Variants in PACRG observed in about 807,000 individuals in gnomAD.
PACRG encodes parkin coregulated, also known as parkin coregulated gene protein.
PACRG carries 29 observed loss-of-function variants against 29.7 expected under a neutral mutation model. The observed-to-expected ratio is 0.98, with a 90% CI of 0.73 to 1.33. The LOEUF (loss-of-function observed/expected upper bound fraction) is 1.33, where lower values mean the gene tolerates loss of function less well. Among genes scored for constraint, PACRG ranks in the 40% most tolerant of loss-of-function variants. PACRG has a pLI of 0.00. For synonymous variants in PACRG, 116 were observed against 118.7 expected, an observed-to-expected ratio of 0.98 and a Z score of 0.15; for missense variants, 279 against 316.2, an observed-to-expected ratio of 0.88 and a Z score of 0.89.
intron 4 of PACRG, among the ~76,000 whole-genome samples, chr6:163,246,115 C>G (rs769793217): frequency 6.6e-6 from 1 of 152,220 alleles, no homozygotes; most frequent in Non-Finnish European, 1.5e-5. Flanking sequence ...GATTTTGTCA[C>G]TCCCTTGCTT....
intron 2 of PACRG, among the ~76,000 whole-genome samples, chr6:163,023,785 G>A (rs1184548011): frequency 6.6e-6 from 1 of 152,122 alleles, no homozygotes; most frequent in African/African-American, 2.4e-5. Context: ...GTGTAAGATT[G>A]TGTCTCATTG....
chr6:162,891,335 C>G (rs1156592440), intron 2 of PACRG, among the ~76,000 whole-genome samples: 1 of 152,142 alleles, frequency 6.6e-6, no homozygotes, highest in African/African-American at 2.4e-5. Flanking sequence ...AAGGAAAACC[C>G]TTAGGGAAGG....
At chr6:162,738,821 C>A (rs1373999408) in intron 1 of PACRG, among the ~76,000 whole-genome samples, 3 of 152,108 alleles carry the variant, frequency 2.0e-5, no homozygotes, top group African/African-American at 7.2e-5. Flanking sequence ...TTCTAGTTAG[C>A]CATTTTGTTA....
At chr6:163,246,963 G>A (rs557411003) in intron 4 of PACRG, among the ~76,000 whole-genome samples, 16 of 152,310 alleles carry the variant, frequency 1.1e-4, no homozygotes, top group African/African-American at 3.1e-4. Flanking sequence ...ACAGGGCAAT[G>A]TCCTCAGCAG....
chr6:163,052,344 G>A lies in PACRG; in HGVS notation c.292-9806G>A, dbSNP rs117575187. The stretch of plus-strand genomic sequence containing the variant: ...AGCAAGATCCTTGGTAATTATAACA[G>A]CAGTCATAAGAACAGATATTTTCAA... On this transcript the variant is annotated intron_variant, in intron 2 of 4. Coordinates refer to ENST00000366888, the MANE Select transcript of PACRG (RefSeq NM_001080379.2). Among the ~76,000 whole-genome samples the A allele has an allele frequency of 8.5e-5, 13 of 152,290 alleles. 1 individual carries two copies. The highest frequency in any genetic ancestry group is 2.9e-5 in the Non-Finnish European group (2 of 68,020).
intron 4 of PACRG, among the ~76,000 whole-genome samples, chr6:163,212,171 T>C (rs765104632): frequency 2.6e-5 from 4 of 152,116 alleles, no homozygotes; most frequent in Non-Finnish European, 5.9e-5. Flanking sequence ...TATGAAAAGA[T>C]AGAGAATTTG....
At chr6:163,001,013 G>T (rs1364434044) in intron 2 of PACRG, among the ~76,000 whole-genome samples, 4 of 152,160 alleles carry the variant, frequency 2.6e-5, no homozygotes, top group Non-Finnish European at 5.9e-5. Context: ...GCAAGAGTCT[G>T]CCCCGGGAAG....
At chr6:162,846,066 A>G (rs1409482871) in intron 2 of PACRG, among the ~76,000 whole-genome samples, 1 of 152,114 alleles carries the variant, frequency 6.6e-6, no homozygotes, top group Non-Finnish European at 1.5e-5. Flanking sequence ...GTCTGACCCC[A>G]GCGAAGGGGA....
chr6:163,118,270 C>T (rs574628390), intron 4 of PACRG, among the ~76,000 whole-genome samples: 159 of 152,278 alleles, frequency 1.0e-3, no homozygotes, highest in Admixed American at 1.9e-3. Context: ...TGAATAGCAG[C>T]GTATCACCTG....
Position 163,089,249 on chromosome 6 carries a change from T to C in PACRG, c.464-10T>C, listed in dbSNP as rs1286524188. On this transcript the variant is annotated splice_polypyrimidine_tract_variant and intron_variant, in intron 3 of 4. Transcript: ENST00000366888. ...AATATTTTCTGCTTGGTCCTTCTTTTACCATATAGATGCCTTGAACCTCCG... is the reference window on the plus strand; with the variant it reads ...AATATTTTCTGCTTGGTCCTTCTTTCACCATATAGATGCCTTGAACCTCCG... The C allele has an allele frequency of 1.2e-6, 2 of 1,610,798 alleles. No individual in the cohort carries two copies. The highest frequency in any genetic ancestry group is 1.7e-6 in the Non-Finnish European group (2 of 1,178,188).
intron 2 of PACRG, among the ~76,000 whole-genome samples, chr6:162,914,666 GA>G (rs1179251257): frequency 6.7e-6 from 1 of 149,578 alleles, no homozygotes; most frequent in African/African-American, 2.4e-5. Context: ...AACCTGGGGA[GA>G]ATTACCAGTT....
rs147258831 is a variant in PACRG at position 162,825,841 on chromosome 6, G to T, written c.291+11560G>T. Among the ~76,000 whole-genome samples the T allele has an allele frequency of 4.9e-3, 751 of 152,152 alleles. 2 individuals are homozygous for T. The highest frequency in any genetic ancestry group is 6.1e-3 in the Non-Finnish European group (412 of 67,998). ...AATCAGCCTTCACGTTTCCTCACTG[G>T]GCTCCTGCTCACTGCTCTAGATTTG... is the stretch of plus-strand genomic sequence containing the variant. On this transcript the variant is annotated intron_variant, in intron 2 of 4. Transcript: ENST00000366888.
intron 4 of PACRG, among the ~76,000 whole-genome samples, chr6:163,158,019 T>C (rs374919088): frequency 1.1e-3 from 167 of 152,324 alleles, no homozygotes; most frequent in South Asian, 6.8e-3. Flanking sequence ...AACAAAATAT[T>C]TGTGGGTTCA....
rs116160574 is a variant in PACRG, at chr6:163,005,675, G to A, written c.292-56475G>A. Among the ~76,000 whole-genome samples, 910 of 147,318 alleles carry A rather than the reference G, an allele frequency of 6.2e-3. 12 individuals carry two copies. The highest frequency in any genetic ancestry group is 0.023 in the African/African-American group (878 of 37,540). On this transcript the variant is annotated intron_variant, in intron 2 of 4. Coordinates refer to ENST00000366888, the MANE Select transcript of PACRG (RefSeq NM_001080379.2). ...ATATTAAATTTATTTGTTTACAAAT[G>A]TATTTGTTTATCTCTATTTTTAATT... is the stretch of plus-strand genomic sequence containing the variant.
chr6:162,900,795 C>T (rs142091362), intron 2 of PACRG, among the ~76,000 whole-genome samples: 1 of 152,160 alleles, frequency 6.6e-6, no homozygotes, highest in African/African-American at 2.4e-5. Flanking sequence ...TCTCAGCCAT[C>T]GGATTTGGCT....
intron 1 of PACRG, among the ~76,000 whole-genome samples, chr6:162,789,860 CA>C (rs1373137450): frequency 6.6e-6 from 1 of 152,128 alleles, no homozygotes; most frequent in Non-Finnish European, 1.5e-5. Context: ...TTAAAAATAT[CA>C]AAGTATTGTA....
At chr6:163,054,617 T>C (rs1810373171) in intron 2 of PACRG, among the ~76,000 whole-genome samples, 1 of 152,148 alleles carries the variant, frequency 6.6e-6, no homozygotes. Context: ...CACAGACAAT[T>C]TGAATTTGAA....
chr6:162,932,729 C>A (rs950745043), intron 2 of PACRG, among the ~76,000 whole-genome samples: 1 of 151,598 alleles, frequency 6.6e-6, no homozygotes, highest in Admixed American at 6.6e-5. Context: ...TGTTAAGTGT[C>A]CTTTTCATTT....
intron 4 of PACRG, among the ~76,000 whole-genome samples, chr6:163,144,401 A>G (rs1438088637): frequency 6.6e-6 from 1 of 152,116 alleles, no homozygotes; most frequent in Non-Finnish European, 1.5e-5. Context: ...TGGGTTAGTA[A>G]TATGTAATGT....
Sources: gnomAD v4.1 joint callset for allele counts (sites outside exome capture counted in the v4.1 genomes callset) on GRCh38, gnomAD v4.1.1 for gene constraint, MANE v1.5 for transcripts, NCBI Gene and HGNC (gene_info 2026-07-23, HGNC 2026-07-21) for gene names.